NEB: variants seen among roughly 807,000 people sequenced by gnomAD.
The protein encoded by NEB is nemaline myopathy type 2.
Under a neutral mutation model 952.2 loss-of-function variants are expected in NEB, and 512 were observed. The observed-to-expected ratio is 0.54, with a 90% CI of 0.50 to 0.58. NEB has a LOEUF of 0.58. Among genes scored for constraint, NEB ranks in the 20% least tolerant of loss-of-function variants. The pLI, the probability that NEB is intolerant of heterozygous loss-of-function variation, is 0.00. For missense variants in NEB, 8,428 were observed against 9,231.1 expected, an observed-to-expected ratio of 0.91 and a Z score of 3.56; for synonymous variants, 2,900 against 3,149.8, an observed-to-expected ratio of 0.92 and a Z score of 2.66.
rs1374109090 is a variant in NEB, at chr2:151,596,140, T to C, written c.14125A>G (p.Thr4709Ala). The change falls in exon 92 of 182, where the codon ACC (threonine) becomes GCC (alanine). Residue 4709 changes from threonine to alanine, a missense_variant. This residue lies in a region of NEB where 5 missense variants were observed against 203.8 expected (regional missense o/e 0.02). Transcript: ENST00000397345. ...NKLYQKDWND[T>A]KQKGYDIRAD... ...CTTATGTCATAGCCTTTCTGCTTGG[T>C]GTCATTCCAGTCTTTTTGGTAGAGT... is the stretch of plus-strand genomic sequence containing the variant. 2 of 1,104 alleles carry C rather than the reference T, an allele frequency of 1.8e-3. No homozygotes were observed. The highest frequency in any genetic ancestry group is 8.5e-3 in the Admixed American group (2 of 236). The allele number at this position is 1,104 out of a possible 1,614,324, so 0.1% of individuals were successfully genotyped here.
intron 10 of NEB, among the ~76,000 whole-genome samples, chr2:151,715,423 C>G (rs931374845): frequency 6.6e-6 from 1 of 152,196 alleles, no homozygotes; most frequent in Non-Finnish European, 1.5e-5. Context: ...CCCCACCCCC[C>G]AAATTCATAT....
In NEB at chr2:151,513,648, G is replaced by C. The variant is rs753855949; in HGVS notation, c.23173C>G (p.Leu7725Val). Residue 7725 changes from leucine to valine, a missense_variant, in exon 160 of 182, where the codon CTG (leucine) becomes GTG (valine). By Grantham distance (32) the Leu-to-Val change is conservative. Coordinates refer to ENST00000397345, the MANE Select transcript of NEB (RefSeq NM_001164508.2). ...GGAGTTTCATTGGCCATGGCATTCA[G>C]GCCTCTTCCTTTGACTTCCAGTTCC... is the stretch of plus-strand genomic sequence containing the variant. The part of the protein sequence containing the change: ...DLELEVKGRG[L>V]NAMANETPDF... 1.2e-6 allele frequency: 2 copies of C among 1,609,684 alleles called. No homozygotes were observed. The highest frequency in any genetic ancestry group is 4.5e-5 in the East Asian group (2 of 44,826).
chr2:151,526,497 C>T (rs79023475), intron 148 of NEB, among the ~76,000 whole-genome samples: 4,464 of 152,240 alleles, frequency 0.029, 87 homozygotes, highest in African/African-American at 0.048. Flanking sequence ...GTCACACTTA[C>T]GTTCACAGCA....
At position 151,640,642 on chromosome 2, in the gene NEB, T is replaced by C. The variant is rs754326721; in HGVS notation, c.8398A>G (p.Lys2800Glu). 4 of 1,612,534 alleles carry C rather than the reference T, an allele frequency of 2.5e-6. No homozygotes were observed. The Admixed American group carries it at 5.0e-5, about 20-fold the overall frequency. The change falls in exon 61 of 182, where the codon AAG (lysine) becomes GAG (glutamate). Residue 2800 changes from lysine to glutamate, a missense_variant. By Grantham distance (56) the Lys-to-Glu change is moderately conservative. This residue lies in a region of NEB where 1,772 missense variants were observed against 1,960.3 expected (regional missense o/e 0.90). Transcript: ENST00000397345. ...SEFKYKEGYR[K>E]QLGHHIGARA... Reference sequence around the variant, plus strand: ...GCACCAATGTGGTGGCCGAGCTGCTTACGATAGCCTTCTTTGTACTTGAAC... The same window carrying C: ...GCACCAATGTGGTGGCCGAGCTGCTCACGATAGCCTTCTTTGTACTTGAAC...
chr2:151,495,824 A>ATTAT (rs567310102), intron 173 of NEB, among the ~76,000 whole-genome samples: 111 of 152,272 alleles, frequency 7.3e-4, no homozygotes, highest in Middle Eastern at 6.8e-3. Context: ...GGGATCAGGG[A>ATTAT]TTATTTTTCC....
intron 48 of NEB, 130 bp from the exon 49 acceptor site, chr2:151,656,594 T>C (rs2099087854): frequency 2.5e-6 from 1 of 400,138 alleles, no homozygotes. Context: ...TAGAGCTCTA[T>C]AGTTCACAGA....
chr2:151,557,041 A>G (rs1261723691), intron 124 of NEB, among the ~76,000 whole-genome samples: 2 of 152,214 alleles, frequency 1.3e-5, no homozygotes, highest in Non-Finnish European at 2.9e-5. Flanking sequence ...GGAGATTGAG[A>G]CACAAAAAAC....
chr2:151,534,550 T>C (rs2092679145), intron 142 of NEB, among the ~76,000 whole-genome samples: 1 of 152,198 alleles, frequency 6.6e-6, no homozygotes, highest in Non-Finnish European at 1.5e-5. Flanking sequence ...TTAGAGTTCC[T>C]TGTGCCCAAA....
intron 107 of NEB, among the ~76,000 whole-genome samples, chr2:151,574,932 G>A (rs1048898065): frequency 5.9e-5 from 9 of 151,858 alleles, no homozygotes; most frequent in Non-Finnish European, 1.2e-4. Context: ...CAGAGATGGG[G>A]TCTCCCTATG....
chr2:151,565,336 C>T (rs2096307207), intron 116 of NEB, among the ~76,000 whole-genome samples, 165 bp downstream of exon 116: 1 of 152,124 alleles, frequency 6.6e-6, no homozygotes, highest in South Asian at 2.1e-4. Context: ...GAATACAATT[C>T]ACCACCTGCT....
Position 151,493,357 on chromosome 2 carries a change from C to A in NEB, c.24761G>T (p.Ser8254Ile), listed in dbSNP as rs757919143. Residue 8254 changes from serine (S) to isoleucine (I), a missense_variant, in exon 176 of 182, where the codon AGC (serine) becomes ATC (isoleucine). Around this residue, in one of 11 missense-constraint regions of NEB, gnomAD observed 3,374 missense variants for 3,651.5 expected, o/e 0.92. Transcript: ENST00000397345. ...ERAKRNQENISSVLYSDSFRK... is the reference protein window; with the variant it reads ...ERAKRNQENIISVLYSDSFRK... ...CTTTTTAGTCCTAGAAAATACCGAG[C>A]TAATGTTTTCTTGGTTGCGCTTAGC... 6 of 1,608,374 alleles carry A rather than the reference C, an allele frequency of 3.7e-6. No homozygotes were observed. Among genetic ancestry groups the A allele is most frequent in the Non-Finnish European group, 5.1e-6 (6 of 1,175,406 alleles).
chr2:151,486,129 T>C (rs1574271888), intron 181 of NEB, 196 bp from the exon 182 acceptor site: 2 of 566,122 alleles, frequency 3.5e-6, no homozygotes, highest in East Asian at 5.8e-5. Flanking sequence ...AGGCAATTAA[T>C]ATCCAGAACA....
In NEB at chr2:151,682,774, A is replaced by G; in HGVS notation, c.2836-5T>C. ...GTAGTCAGCTTTGTATTCAACCTAA[A>G]ACACCAAGAGAAAGGTTACATTTCT... On this transcript the variant is annotated splice_polypyrimidine_tract_variant and splice_region_variant and intron_variant, in intron 28 of 181. Transcript: ENST00000397345. The G allele has an allele frequency of 6.2e-7, 1 of 1,608,494 alleles. No homozygotes were observed. Among genetic ancestry groups the G allele is most frequent in the Non-Finnish European group, 8.5e-7 (1 of 1,175,972 alleles).
rs767675658 is a variant in NEB at position 151,565,511 on chromosome 2, T to C, written c.18356A>G (p.Asn6119Ser). The C allele has an allele frequency of 2.5e-6, 4 of 1,586,808 alleles. No individual in the cohort carries two copies. Among genetic ancestry groups the C allele is most frequent in the African/African-American group, 2.7e-5 (2 of 74,568 alleles). Residue 6119 changes from asparagine to serine, a missense_variant, in exon 116 of 182, where the codon AAT (asparagine) becomes AGT (serine). Physicochemically the swap from Asn to Ser is conservative, Grantham distance 46 (BLOSUM62 1). Coordinates refer to ENST00000397345, the MANE Select transcript of NEB (RefSeq NM_001164508.2). ...ACAAAGCAAACTTACATCACTTTGATTGACAGAATTAATCTTGGCTAAAAC... is the reference window on the plus strand; with the variant it reads ...ACAAAGCAAACTTACATCACTTTGACTGACAGAATTAATCTTGGCTAAAAC... ...EIVLAKINSVNQSDVKYKETF... is the reference protein window; with the variant it reads ...EIVLAKINSVSQSDVKYKETF...
intron 40 of NEB, 110 bp downstream of exon 40, chr2:151,667,694 A>T: frequency 4.0e-5 from 24 of 602,646 alleles, no homozygotes; most frequent in East Asian, 7.0e-5. Flanking sequence ...CATCTGGCTA[A>T]TTTTTTTTTT....
intron 145 of NEB, 118 bp downstream of exon 145, chr2:151,530,876 A>G: frequency 1.5e-6 from 1 of 646,890 alleles, no homozygotes; most frequent in Non-Finnish European, 2.7e-6. Context: ...CTATTATTTT[A>G]AGCCACTAAG....
rs374466769 is a variant in NEB at position 151,640,398 on chromosome 2, C to T, written c.8642G>A (p.Ser2881Asn). 7 of 1,613,834 alleles carry T rather than the reference C, an allele frequency of 4.3e-6. No individual in the cohort carries two copies. Among genetic ancestry groups the T allele is most frequent in the Non-Finnish European group, 5.1e-6 (6 of 1,179,876 alleles). ...LHQWTCLPDQ[S>N]DVIHARQAYD... ...GGCCTGCCGAGCATGGATGACGTCG[C>T]TCTGGTCGGGCAGGCATGTCCACTG... The change falls in exon 61 of 182, where the codon AGC (serine) becomes AAC (asparagine). Residue 2881 changes from serine (S) to asparagine (N), a missense_variant. Ser to Asn is a conservative substitution (Grantham distance 46). Transcript: ENST00000397345.
chr2:151,560,445 A>T (rs565153313), intron 124 of NEB, 147 bp downstream of exon 124: 2 of 685,542 alleles, frequency 2.9e-6, no homozygotes, highest in Admixed American at 4.1e-5. Flanking sequence ...CTAATGACTG[A>T]GCATTTGGAA....
At chr2:151,513,398 G>C (rs2075839112) in intron 160 of NEB, among the ~76,000 whole-genome samples, 182 bp downstream of exon 160, 2 of 152,320 alleles carry the variant, frequency 1.3e-5, no homozygotes, top group South Asian at 4.1e-4. Context: ...AAGGTAGACA[G>C]CAATGAGCCT....
Sources: allele counts gnomAD v4.1 joint callset (sites outside exome capture counted in the v4.1 genomes callset), GRCh38; gene constraint gnomAD v4.1.1; regional missense constraint gnomAD v4.1.1; transcripts MANE v1.5; gene names NCBI Gene and HGNC (gene_info 2026-07-23, HGNC 2026-07-21).